Variants in KMT5A observed in about 807,000 individuals in gnomAD.
KMT5A encodes the protein lysine methyltransferase 5A.
In KMT5A, 6 loss-of-function variants were observed where a neutral mutation model predicts 40.6. The ratio of observed to expected loss-of-function variants is 0.15; its 90% CI spans 0.08 to 0.29. The LOEUF (loss-of-function observed/expected upper bound fraction) is 0.29, where lower values mean the gene tolerates loss of function less well. KMT5A is among the 10% of genes least tolerant of loss of function. The pLI is 1.00. For synonymous variants in KMT5A, 153 were observed against 178.8 expected, an observed-to-expected ratio of 0.86 and a Z score of 1.15; for missense variants, 308 against 459.1, an observed-to-expected ratio of 0.67 and a Z score of 3.01.
chr12:123,402,608 G>C lies in KMT5A; in HGVS notation c.598-965G>C, dbSNP rs79515726. Among the ~76,000 whole-genome samples the C allele has an allele frequency of 4.6e-5, 7 of 152,314 alleles. No individual in the cohort carries two copies. In the East Asian group the frequency reaches 1.2e-3, roughly 25 times the overall value. ...GGAGCTTCCGATCTGTCTTCATTTGGTTCCCTTTTGCTCTGTAGTATCTGT... is the reference window on the plus strand; with the variant it reads ...GGAGCTTCCGATCTGTCTTCATTTGCTTCCCTTTTGCTCTGTAGTATCTGT... On this transcript the variant is annotated intron_variant, in intron 5 of 7. Coordinates refer to ENST00000402868, the MANE Select transcript of KMT5A (RefSeq NM_020382.7).
intron 3 of KMT5A, among the ~76,000 whole-genome samples, chr12:123,393,939 T>G (rs1877495338): frequency 1.3e-5 from 2 of 152,138 alleles, no homozygotes; most frequent in African/African-American, 4.8e-5. Flanking sequence ...TAGATTTTTT[T>G]GGGGACATAT....
chr12:123,385,205 G>C (rs575007210), intron 1 of KMT5A, among the ~76,000 whole-genome samples: 13 of 152,226 alleles, frequency 8.5e-5, no homozygotes, highest in Admixed American at 3.9e-4. Flanking sequence ...AGGCCCTGAA[G>C]TCAGTTGCAT....
intron 1 of KMT5A, chr12:123,388,296 G>C (rs1016264606): frequency 6.6e-6 from 1 of 152,332 alleles, no homozygotes; most frequent in Non-Finnish European, 1.5e-5. Flanking sequence ...CTGAGAACTT[G>C]GCCAAGCTCC....
chr12:123,391,228 C>G (rs1255682244), intron 3 of KMT5A: 1 of 159,774 alleles, frequency 6.3e-6, no homozygotes, highest in Non-Finnish European at 1.4e-5. Flanking sequence ...GATTTCCGCT[C>G]TCGTCCCTCA....
intron 3 of KMT5A, 149 bp from the exon 4 acceptor site, chr12:123,394,898 C>T (rs28592032): frequency 0.89 from 604,644 of 682,944 alleles, 268,582 homozygotes; most frequent in Middle Eastern, 0.92. Context: ...TAGCCCATAG[C>T]GGACACGGGG....
chr12:123,386,288 C>A lies in KMT5A; in HGVS notation c.10+2080C>A, dbSNP rs554073025. Among the ~76,000 whole-genome samples, 4 of 149,932 alleles carry A rather than the reference C, an allele frequency of 2.7e-5. No homozygotes were observed. In the East Asian group the frequency reaches 7.8e-4, roughly 29 times the overall value. On this transcript the variant is annotated intron_variant, in intron 1 of 7. Coordinates refer to ENST00000402868, the MANE Select transcript of KMT5A (RefSeq NM_020382.7). The stretch of plus-strand genomic sequence containing the variant: ...TGGAGTACAGTGGAGTGATTTCAGC[C>A]CGCTTCACCCTCCCTCTCCTGTGTT...
In KMT5A at chr12:123,396,297, A is replaced by G. The variant is rs766442980; in HGVS notation, c.510-48A>G. On this transcript the variant is annotated intron_variant, in intron 4 of 7. Coordinates refer to ENST00000402868, the MANE Select transcript of KMT5A (RefSeq NM_020382.7). ...GCCTTCTAAGGAGCTGTGTGCCTCCAGGTTTTCAGTCCTGATATTTATTTT... is the reference window on the plus strand; with the variant it reads ...GCCTTCTAAGGAGCTGTGTGCCTCCGGGTTTTCAGTCCTGATATTTATTTT... The G allele has an allele frequency of 8.2e-6, 13 of 1,584,054 alleles. No homozygotes were observed. In the East Asian group the frequency reaches 2.2e-4, roughly 27 times the overall value.
chr12:123,395,636 C>T (rs1877665214), intron 4 of KMT5A, among the ~76,000 whole-genome samples: 1 of 150,592 alleles, frequency 6.6e-6, no homozygotes, highest in Admixed American at 6.7e-5. Context: ...GCGATCTCGG[C>T]TCACTGCAAA....
intron 2 of KMT5A, chr12:123,390,044 G>T (rs1032022022): frequency 3.9e-5 from 18 of 467,216 alleles, no homozygotes; most frequent in Middle Eastern, 3.2e-4. Flanking sequence ...TGGCCGCCCC[G>T]AATGCGCTGG....
chr12:123,403,729 C>A, intron 6 of KMT5A, 97 bp downstream of exon 6: 2 of 1,334,532 alleles, frequency 1.5e-6, no homozygotes, highest in South Asian at 1.2e-5. Context: ...TGGCTTTCAC[C>A]CTCTAATGGC....
chr12:123,403,150 G>A (rs980963936), intron 5 of KMT5A, among the ~76,000 whole-genome samples: 7 of 152,192 alleles, frequency 4.6e-5, no homozygotes, highest in African/African-American at 2.4e-5. Flanking sequence ...CGATCCGCCC[G>A]CCTCGGCCTC....
At chr12:123,404,052 C>T (rs985049547) in intron 6 of KMT5A, among the ~76,000 whole-genome samples, 5 of 152,202 alleles carry the variant, frequency 3.3e-5, no homozygotes, top group African/African-American at 1.2e-4. Context: ...TGCTTTCTGT[C>T]TCAGTGGAGT....
chr12:123,389,546 A>C lies in KMT5A; in HGVS notation c.124A>C (p.Thr42Pro). 9.2e-7 allele frequency: 1 copy of C among 1,092,678 alleles called. No individual in the cohort carries two copies. Among genetic ancestry groups the C allele is most frequent in the Non-Finnish European group, 1.1e-6 (1 of 901,146 alleles). The allele number at this position is 1,092,678 out of a possible 1,614,324, so 67.7% of individuals were successfully genotyped here. The change falls in exon 2 of 8, where the codon ACC (threonine) becomes CCC (proline). Residue 42 changes from threonine (T) to proline (P), a missense_variant. Physicochemically the swap from Thr to Pro is conservative, Grantham distance 38. Transcript: ENST00000402868. ...GCGGAGGGGCCCGGGGAGGCCCCGC[A>C]CCGACGGGGTAAGCAGGCACCCTCC... is the stretch of plus-strand genomic sequence containing the variant. ...VERRGPGRPRTDGENVFTGQS... is the reference protein window; with the variant it reads ...VERRGPGRPRPDGENVFTGQS...
At chr12:123,396,285 C>G (rs952952055) in intron 4 of KMT5A, 60 bp from the exon 5 acceptor site, 15 of 1,513,666 alleles carry the variant, frequency 9.9e-6, no homozygotes, top group Admixed American at 1.7e-5. Context: ...TTCTAAGGAG[C>G]TGTGTGCCTC....
intron 1 of KMT5A, among the ~76,000 whole-genome samples, chr12:123,386,755 C>T (rs1231853858): frequency 6.6e-6 from 1 of 152,204 alleles, no homozygotes; most frequent in Non-Finnish European, 1.5e-5. Flanking sequence ...ACTATTTCTA[C>T]TGCCATTGTT....
intron 5 of KMT5A, among the ~76,000 whole-genome samples, chr12:123,399,072 GC>G (rs1877956393): frequency 6.6e-6 from 1 of 152,244 alleles, no homozygotes; most frequent in Non-Finnish European, 1.5e-5. Context: ...CACTGCAGGG[GC>G]CCCTTGGCCG....
rs916571010 is a variant in KMT5A at position 123,409,108 on chromosome 12, A to AT, written c.*1407dup. On this transcript the variant is annotated 3_prime_UTR_variant, in exon 8 of 8. Transcript: ENST00000402868. ...GTATGAGAGGCTGTCCTCGTCTTTG[A>AT]TTCCCCCCCAACCCCACCTCGGGCC... 7.2e-5 allele frequency: 11 copies of AT among 152,390 alleles called. No individual in the cohort carries two copies. Among genetic ancestry groups the AT allele is most frequent in the African/African-American group, 2.7e-4 (11 of 41,348 alleles). 9.4% of individuals were successfully genotyped at this position (152,390 alleles called of 1,614,324 possible).
chr12:123,386,404 C>T (rs1457170019), intron 1 of KMT5A, among the ~76,000 whole-genome samples: 3 of 151,786 alleles, frequency 2.0e-5, no homozygotes, highest in Admixed American at 6.6e-5. Context: ...TTAGTAGAGA[C>T]GGGGTTTCGC....
intron 3 of KMT5A, chr12:123,391,012 A>T: frequency 1.9e-6 from 1 of 528,088 alleles, no homozygotes; most frequent in South Asian, 2.2e-5. Flanking sequence ...ATATCCTTCA[A>T]GCTTGATTGT....
Sources: gnomAD v4.1 joint callset for allele counts (sites outside exome capture counted in the v4.1 genomes callset) on GRCh38, gnomAD v4.1.1 for gene constraint, MANE v1.5 for transcripts, NCBI Gene and HGNC (gene_info 2026-07-23, HGNC 2026-07-21) for gene names.